Variants in PLCXD2 observed in about 807,000 individuals in gnomAD.
PLCXD2 encodes phosphatidylinositol specific phospholipase C X domain containing 2.
In PLCXD2, 21 loss-of-function variants were observed where a neutral mutation model predicts 28.6. The observed-to-expected ratio is 0.73, with a 90% CI of 0.52 to 1.06. The LOEUF is 1.06. Among genes scored for constraint, PLCXD2 ranks in the 50% least tolerant of loss-of-function variants. PLCXD2 has a pLI of 0.00. For missense variants in PLCXD2, 369 were observed against 376.7 expected, an observed-to-expected ratio of 0.98 and a Z score of 0.17; for synonymous variants, 140 against 150.1, an observed-to-expected ratio of 0.93 and a Z score of 0.49.
At chr3:111,676,293 T>A (rs1415208968) in intron 1 of PLCXD2, among the ~76,000 whole-genome samples, 1 of 152,194 alleles carries the variant, frequency 6.6e-6, no homozygotes, top group Non-Finnish European at 1.5e-5. Context: ...TTTATTTCAC[T>A]CGGAGACATA....
At chr3:111,714,824 A>C (rs1462861901) in intron 3 of PLCXD2, among the ~76,000 whole-genome samples, 1 of 150,210 alleles carries the variant, frequency 6.7e-6, no homozygotes, top group East Asian at 1.9e-4. Context: ...GTACCTGTAC[A>C]TGTGTATGTG....
chr3:111,726,526 C>A (rs938419658), intron 3 of PLCXD2: 3 of 152,082 alleles, frequency 2.0e-5, no homozygotes, highest in Non-Finnish European at 4.4e-5. Context: ...GCTTGTTTTA[C>A]AGTATGGTGC....
At chr3:111,679,098 G>C (rs919562555) in intron 1 of PLCXD2, among the ~76,000 whole-genome samples, 23 of 152,042 alleles carry the variant, frequency 1.5e-4, no homozygotes, top group Non-Finnish European at 4.4e-5. Flanking sequence ...GAACTAATTA[G>C]AAGAAATTTT....
At chr3:111,676,338 C>T (rs772842412) in intron 1 of PLCXD2, among the ~76,000 whole-genome samples, 3 of 152,206 alleles carry the variant, frequency 2.0e-5, no homozygotes, top group African/African-American at 7.2e-5. Context: ...ACCAGACAAA[C>T]TCCCAAGTAT....
chr3:111,687,709 C>A (rs1331955939), intron 1 of PLCXD2, among the ~76,000 whole-genome samples: 1 of 145,114 alleles, frequency 6.9e-6, no homozygotes, highest in Non-Finnish European at 1.5e-5. Flanking sequence ...GTTTTTGAGA[C>A]AGGGTCTTGC....
intron 1 of PLCXD2, among the ~76,000 whole-genome samples, chr3:111,696,286 A>G (rs2107851397): frequency 6.6e-6 from 1 of 152,344 alleles, no homozygotes; most frequent in African/African-American, 2.4e-5. Context: ...TCTGGTAGCT[A>G]GCATCATATG....
chr3:111,675,424 T>TAC lies in PLCXD2; in HGVS notation c.163+17_163+18dup. 6.2e-7 allele frequency: 1 copy of TAC among 1,613,842 alleles called. No individual in the cohort carries two copies. Among genetic ancestry groups the TAC allele is most frequent in the Non-Finnish European group, 8.5e-7 (1 of 1,179,722 alleles). On this transcript the variant is annotated intron_variant, in intron 1 of 4. Coordinates refer to ENST00000477665, the MANE Select transcript of PLCXD2 (RefSeq NM_001185106.1). ...GCAATCCCAGGTATTCGTCTATTCC[T>TAC]ACTTGTTCCCACTGTGTTTAATTCT...
chr3:111,680,005 C>T (rs1165736708), intron 1 of PLCXD2, among the ~76,000 whole-genome samples: 1 of 152,234 alleles, frequency 6.6e-6, no homozygotes, highest in African/African-American at 2.4e-5. Flanking sequence ...TCCACAGGTG[C>T]TCCTCACTGC....
intron 1 of PLCXD2, among the ~76,000 whole-genome samples, chr3:111,705,889 C>A (rs1941111541): frequency 6.6e-6 from 1 of 150,396 alleles, no homozygotes; most frequent in African/African-American, 2.4e-5. Flanking sequence ...GGGTCTTACT[C>A]TGACCCAGGC....
chr3:111,689,800 C>G (rs1940848123), intron 1 of PLCXD2, among the ~76,000 whole-genome samples: 1 of 152,120 alleles, frequency 6.6e-6, no homozygotes, highest in East Asian at 1.9e-4. Flanking sequence ...TAAGGAGAAA[C>G]TAGGACAGGC....
chr3:111,714,207 A>G (rs1049254713), intron 3 of PLCXD2, 79 bp downstream of exon 3: 42 of 1,488,082 alleles, frequency 2.8e-5, no homozygotes, highest in Non-Finnish European at 3.5e-5. Context: ...AAATCGCAGT[A>G]AAGCCATGTA....
intron 1 of PLCXD2, among the ~76,000 whole-genome samples, chr3:111,684,127 C>T (rs1282681085): frequency 6.6e-6 from 1 of 151,910 alleles, no homozygotes; most frequent in Non-Finnish European, 1.5e-5. Flanking sequence ...GTCAAGAGAT[C>T]GAGACCAGCC....
At chr3:111,705,492 A>T (rs908098035) in intron 1 of PLCXD2, among the ~76,000 whole-genome samples, 1 of 152,040 alleles carries the variant, frequency 6.6e-6, no homozygotes, top group African/African-American at 2.4e-5. Context: ...TATCCTTTTG[A>T]TATATAGATT....
At chr3:111,698,538 T>C (rs1940995130) in intron 1 of PLCXD2, among the ~76,000 whole-genome samples, 1 of 152,112 alleles carries the variant, frequency 6.6e-6, no homozygotes, top group South Asian at 2.1e-4. Flanking sequence ...GACAGAAAAA[T>C]GATTTGTTGG....
At chr3:111,704,768 A>G (rs781542168) in intron 1 of PLCXD2, among the ~76,000 whole-genome samples, 2 of 151,970 alleles carry the variant, frequency 1.3e-5, no homozygotes, top group Non-Finnish European at 2.9e-5. Flanking sequence ...AATCATATTC[A>G]TCCTACAGTG....
chr3:111,685,133 G>A (rs1455465294), intron 1 of PLCXD2, among the ~76,000 whole-genome samples: 1 of 152,116 alleles, frequency 6.6e-6, no homozygotes, highest in Non-Finnish European at 1.5e-5. Flanking sequence ...TGGTTTCAGA[G>A]CTAAATCTTC....
At chr3:111,725,815 T>C (rs1941408078) in intron 3 of PLCXD2, 1 of 398,598 alleles carries the variant, frequency 2.5e-6, no homozygotes, top group East Asian at 3.6e-5. Flanking sequence ...ATCAACAGTC[T>C]AGAGGCATAT....
intron 2 of PLCXD2, among the ~76,000 whole-genome samples, chr3:111,709,090 TGG>T (rs1491538429): frequency 2.3e-5 from 3 of 133,110 alleles, no homozygotes. Flanking sequence ...TTACACTCTC[TGG>T]AAAAAAAAAA....
chr3:111,697,328 T>C (rs1940975832), intron 1 of PLCXD2, among the ~76,000 whole-genome samples: 1 of 152,162 alleles, frequency 6.6e-6, no homozygotes, highest in Non-Finnish European at 1.5e-5. Flanking sequence ...TGAGAATGTC[T>C]TCTAAGAAAG....
Sources: gnomAD v4.1 joint callset for allele counts (sites outside exome capture counted in the v4.1 genomes callset) on GRCh38, gnomAD v4.1.1 for gene constraint, MANE v1.5 for transcripts, NCBI Gene and HGNC (gene_info 2026-07-23, HGNC 2026-07-21) for gene names.